Variants in SORCS1 observed in about 807,000 individuals in gnomAD.
SORCS1 encodes sortilin related VPS10 domain containing receptor 1.
SORCS1 carries 60 observed loss-of-function variants against 146.1 expected under a neutral mutation model. The observed-to-expected ratio is 0.41, with a 90% CI of 0.33 to 0.51. The LOEUF (loss-of-function observed/expected upper bound fraction) is 0.51. Among genes scored for constraint, SORCS1 ranks in the 20% least tolerant of loss-of-function variants. The pLI is 0.21. For missense variants in SORCS1, 1,352 were observed against 1,487.6 expected, an observed-to-expected ratio of 0.91 and a Z score of 1.50; for synonymous variants, 637 against 584.0, an observed-to-expected ratio of 1.09 and a Z score of -1.31.
intron 1 of SORCS1, among the ~76,000 whole-genome samples, chr10:106,989,231 C>G (rs1174798076): frequency 1.5e-5 from 2 of 136,622 alleles, no homozygotes; most frequent in African/African-American, 5.5e-5. Flanking sequence ...GACTGCATCA[C>G]CACACTCCAG....
intron 18 of SORCS1, among the ~76,000 whole-genome samples, chr10:106,640,617 G>C (rs1220968121): frequency 6.6e-6 from 1 of 152,160 alleles, no homozygotes. Context: ...CAGTTTTGTT[G>C]AGTTCTTCAG....
At chr10:106,999,441 T>G (rs1203539469) in intron 1 of SORCS1, among the ~76,000 whole-genome samples, 1 of 152,222 alleles carries the variant, frequency 6.6e-6, no homozygotes, top group African/African-American at 2.4e-5. Context: ...CATCAAAAAG[T>G]GAAGATGCAT....
At chr10:107,047,311 A>C (rs1336762236) in intron 1 of SORCS1, among the ~76,000 whole-genome samples, 1 of 152,184 alleles carries the variant, frequency 6.6e-6, no homozygotes, top group African/African-American at 2.4e-5. Flanking sequence ...TATTTTAGAT[A>C]AAGTCCAGAT....
chr10:107,141,443 C>T (rs1590225255), intron 1 of SORCS1, among the ~76,000 whole-genome samples: 1 of 152,042 alleles, frequency 6.6e-6, no homozygotes, highest in East Asian at 1.9e-4. Context: ...TGCAGTGAGC[C>T]CAGTGGGGAT....
chr10:107,114,496 A>G (rs964167338), intron 1 of SORCS1, among the ~76,000 whole-genome samples: 3 of 152,190 alleles, frequency 2.0e-5, no homozygotes, highest in Admixed American at 2.0e-4. Context: ...TTAAAAGAAC[A>G]AAGGACAAAA....
chr10:107,135,203 TAAA>T (rs1967183812), intron 1 of SORCS1, among the ~76,000 whole-genome samples: 1 of 152,226 alleles, frequency 6.6e-6, no homozygotes, highest in Non-Finnish European at 1.5e-5. Context: ...ATGTCCTTTC[TAAA>T]ACAATTGGAA....
chr10:107,070,145 G>C (rs1373362665), intron 1 of SORCS1, among the ~76,000 whole-genome samples: 1 of 152,178 alleles, frequency 6.6e-6, no homozygotes, highest in Non-Finnish European at 1.5e-5. Flanking sequence ...TCATGCTGTA[G>C]TATGTATCAA....
chr10:106,684,508 T>C (rs200954925), intron 10 of SORCS1, among the ~76,000 whole-genome samples: 1 of 152,202 alleles, frequency 6.6e-6, no homozygotes, highest in African/African-American at 2.4e-5. Flanking sequence ...AGGTGGACCA[T>C]GACCTGTAAT....
At chr10:106,894,254 C>T (rs115456974) in intron 2 of SORCS1, among the ~76,000 whole-genome samples, 11,092 of 142,696 alleles carry the variant, frequency 0.078, 928 homozygotes, top group African/African-American at 0.21. Flanking sequence ...TGTGTGTGTG[C>T]GCGCGCGCAC....
chr10:106,829,568 T>C lies in SORCS1; in HGVS notation c.726+6A>G, dbSNP rs145243867. ...ATGAGTAGCATGCTGAATATACATT[T>C]CTTACCTTACGCTTGTTGGTAGGAC... On this transcript the variant is annotated splice_donor_region_variant and intron_variant, in intron 3 of 25. Coordinates refer to ENST00000263054, the MANE Select transcript of SORCS1 (RefSeq NM_052918.5). 3,835 of 1,581,800 alleles carry C rather than the reference T, an allele frequency of 2.4e-3. 12 individuals carry two copies. The highest frequency in any genetic ancestry group is 8.8e-3 in the African/African-American group (660 of 74,616).
rs978522025 is a variant in SORCS1 at position 106,661,211 on chromosome 10, T to G, written c.2303+6478A>C. Among the ~76,000 whole-genome samples, 11 of 152,162 alleles carry G rather than the reference T, an allele frequency of 7.2e-5. 1 individual carries two copies. The highest frequency in any genetic ancestry group is 2.7e-4 in the African/African-American group (11 of 41,438). On this transcript the variant is annotated intron_variant, in intron 17 of 25. Transcript: ENST00000263054. ...GAAACAAAGAGGAATAAATTTGGGG[T>G]TATTTCGGCACTAACATGAAATAAA... is the stretch of plus-strand genomic sequence containing the variant.
intron 1 of SORCS1, among the ~76,000 whole-genome samples, chr10:107,013,532 C>T (rs548384723): frequency 6.6e-6 from 1 of 152,132 alleles, no homozygotes; most frequent in Middle Eastern, 3.4e-3. Context: ...CTGTTCTCTC[C>T]CTTCCTGCAG....
At chr10:106,740,782 A>T (rs1857307354) in intron 5 of SORCS1, among the ~76,000 whole-genome samples, 1 of 152,262 alleles carries the variant, frequency 6.6e-6, no homozygotes, top group Non-Finnish European at 1.5e-5. Context: ...GTGTGCCTAG[A>T]AAATTCATAC....
At chr10:107,111,882 T>G (rs1042873051) in intron 1 of SORCS1, among the ~76,000 whole-genome samples, 5 of 152,266 alleles carry the variant, frequency 3.3e-5, no homozygotes, top group Admixed American at 6.5e-5. Flanking sequence ...AGCAGACATC[T>G]CAACAGAAGC....
At chr10:106,603,382 A>T (rs1589449343) in intron 23 of SORCS1, among the ~76,000 whole-genome samples, 1 of 152,184 alleles carries the variant, frequency 6.6e-6, no homozygotes, top group Admixed American at 6.5e-5. Context: ...GACAGAGGTC[A>T]CTCGATTAAC....
chr10:107,111,327 A>G (rs1406975030), intron 1 of SORCS1, among the ~76,000 whole-genome samples: 1 of 152,222 alleles, frequency 6.6e-6, no homozygotes, highest in Non-Finnish European at 1.5e-5. Flanking sequence ...TGAAATCAGA[A>G]CAATGCATGA....
chr10:106,877,534 A>G (rs1359291616), intron 2 of SORCS1, among the ~76,000 whole-genome samples: 2 of 152,198 alleles, frequency 1.3e-5, no homozygotes, highest in Non-Finnish European at 2.9e-5. Flanking sequence ...CCATCTCAAA[A>G]CAGAACAAAA....
intron 2 of SORCS1, among the ~76,000 whole-genome samples, chr10:106,924,868 A>G (rs767349949): frequency 6.6e-6 from 1 of 151,422 alleles, no homozygotes; most frequent in Non-Finnish European, 1.5e-5. Context: ...TGTAACTTTC[A>G]TAAGTATCTC....
intron 6 of SORCS1, among the ~76,000 whole-genome samples, chr10:106,717,054 G>T (rs1855428059): frequency 6.6e-6 from 1 of 152,080 alleles, no homozygotes; most frequent in African/African-American, 2.4e-5. Context: ...CCCTAATATT[G>T]TAGACGTTTA....
Sources: gnomAD v4.1 joint callset for allele counts (sites outside exome capture counted in the v4.1 genomes callset) on GRCh38, gnomAD v4.1.1 for gene constraint, MANE v1.5 for transcripts, NCBI Gene and HGNC (gene_info 2026-07-23, HGNC 2026-07-21) for gene names.